The following ADAMTS9 variants were observed in gnomAD, a reference collection of about 807,000 sequenced individuals.
ADAMTS9 encodes ADAM metallopeptidase with thrombospondin type 1 motif 9.
Under a neutral mutation model 257.1 loss-of-function variants are expected in ADAMTS9, and 107 were observed. That is an observed-to-expected ratio of 0.42 (90% CI 0.36 to 0.49). The LOEUF (loss-of-function observed/expected upper bound fraction) is 0.49. ADAMTS9 is among the 20% of genes least tolerant of loss of function. The pLI is 0.03. For synonymous variants in ADAMTS9, 982 were observed against 880.9 expected (o/e 1.11, Z -2.03); for missense variants, 2,353 against 2,469.1 (o/e 0.95, Z 1.00).
At chr3:64,571,935 A>G (rs1232705879) in intron 28 of ADAMTS9, among the ~76,000 whole-genome samples, 1 of 152,194 alleles carries the variant, frequency 6.6e-6, no homozygotes, top group African/African-American at 2.4e-5. Flanking sequence ...TTACATCACC[A>G]TGTGTCACTG....
At chr3:64,637,623 C>T (rs923625246) in intron 12 of ADAMTS9, among the ~76,000 whole-genome samples, 3 of 152,240 alleles carry the variant, frequency 2.0e-5, no homozygotes, top group African/African-American at 7.2e-5. Flanking sequence ...CAGAAATCAA[C>T]TTCTACGTTT....
At chr3:64,540,295 T>C (rs575909881) in intron 36 of ADAMTS9, among the ~76,000 whole-genome samples, 2 of 152,338 alleles carry the variant, frequency 1.3e-5, no homozygotes, top group South Asian at 2.1e-4. Context: ...TGCAATATTA[T>C]GGGTATAATG....
At chr3:64,522,316 G>A in intron 38 of ADAMTS9, 56 bp from the exon 39 acceptor site, 2 of 1,526,106 alleles carry the variant, frequency 1.3e-6, no homozygotes, top group South Asian at 2.2e-5. Context: ...TTCAGGGCCT[G>A]CACTGGCTTT....
intron 28 of ADAMTS9, among the ~76,000 whole-genome samples, chr3:64,575,492 G>GT (rs1299849658): frequency 1.3e-5 from 2 of 152,172 alleles, no homozygotes; most frequent in Non-Finnish European, 2.9e-5. Flanking sequence ...AAGCAAGAGT[G>GT]TAACAACCTC....
Position 64,687,738 on chromosome 3 carries a change from G to C in ADAMTS9, c.-81C>G. 1 of 1,154,718 alleles carries C rather than the reference G, an allele frequency of 8.7e-7. No homozygotes were observed. Among genetic ancestry groups the C allele is most frequent in the Non-Finnish European group, 1.2e-6 (1 of 857,660 alleles). 71.5% of individuals were successfully genotyped at this position (1,154,718 alleles called of 1,614,324 possible). ...GGCTGCGGCGGCGACGCGAGGCAGCGGCCGTGGAGAGCGCGCGGAGCCCGG... is the reference window on the plus strand; with the variant it reads ...GGCTGCGGCGGCGACGCGAGGCAGCCGCCGTGGAGAGCGCGCGGAGCCCGG... On this transcript the variant is annotated 5_prime_UTR_variant, in exon 1 of 40. Transcript: ENST00000498707. The surrounding 1 kb of genome is among the most constrained non-coding windows in gnomAD (Gnocchi z 4.4).
intron 30 of ADAMTS9, among the ~76,000 whole-genome samples, chr3:64,554,324 A>G (rs2083304742): frequency 6.6e-6 from 1 of 152,244 alleles, no homozygotes; most frequent in African/African-American, 2.4e-5. Flanking sequence ...TAAAAATTAA[A>G]CTAAGTAAAT....
intron 22 of ADAMTS9, among the ~76,000 whole-genome samples, chr3:64,608,958 G>A (rs2084615948): frequency 6.6e-6 from 1 of 151,902 alleles, no homozygotes; most frequent in Non-Finnish European, 1.5e-5. Flanking sequence ...AGGAACATAA[G>A]GCTGGCCCAA....
intron 12 of ADAMTS9, among the ~76,000 whole-genome samples, chr3:64,639,302 T>TTTTTG (rs1700578709): frequency 6.9e-5 from 10 of 144,518 alleles, no homozygotes; most frequent in Non-Finnish European, 1.4e-4. Flanking sequence ...TGTTTTTTTT[T>TTTTTG]TTTTTTTTTT....
intron 8 of ADAMTS9, among the ~76,000 whole-genome samples, chr3:64,653,512 G>A (rs960037058): frequency 2.6e-5 from 4 of 152,056 alleles, no homozygotes; most frequent in African/African-American, 9.7e-5. Context: ...TCTGTGCCTC[G>A]TACACTACAC....
chr3:64,583,407 A>C (rs7614362), intron 28 of ADAMTS9: 51,923 of 152,168 alleles, frequency 0.34, 10,791 homozygotes, highest in Non-Finnish European at 0.46. Flanking sequence ...CTCTCCAGAG[A>C]GAAGAGCTTT....
Position 64,518,763 on chromosome 3 carries a change from C to CTTTTTTT in ADAMTS9, c.*6-1643_*6-1642insAAAAAAA, listed in dbSNP as rs1491154708. Among the ~76,000 whole-genome samples, 13 of 88,730 alleles carry CTTTTTTT rather than the reference C, an allele frequency of 1.5e-4. 2 individuals carry two copies. The highest frequency in any genetic ancestry group is 9.6e-4 in the Admixed American group (7 of 7,272). 58.2% of individuals were successfully genotyped at this position (88,730 alleles called of 152,430 possible). ...CCGAGGGAATTTATCATTACCTTTTCATTTTTTTTTTTTTTTTTTTTTTTT... is the reference window on the plus strand; with the variant it reads ...CCGAGGGAATTTATCATTACCTTTTCTTTTTTTATTTTTTTTTTTTTTTTTTTTTTTT... On this transcript the variant is annotated intron_variant, in intron 39 of 39. Coordinates refer to ENST00000498707, the MANE Select transcript of ADAMTS9 (RefSeq NM_182920.2).
At chr3:64,535,329 A>T (rs535396239) in intron 37 of ADAMTS9, among the ~76,000 whole-genome samples, 1 of 152,176 alleles carries the variant, frequency 6.6e-6, no homozygotes, top group African/African-American at 2.4e-5. Context: ...CAGTGAGCCC[A>T]GATTGTGCCA....
At chr3:64,604,143 GGA>G (rs2084515751) in intron 24 of ADAMTS9, 54 bp from the exon 25 acceptor site, 2 of 1,602,964 alleles carry the variant, frequency 1.2e-6, no homozygotes, top group East Asian at 4.5e-5. Flanking sequence ...GCTGCTTACT[GGA>G]CAGTAGCCCA....
intron 23 of ADAMTS9, among the ~76,000 whole-genome samples, chr3:64,605,287 T>G (rs1241542071): frequency 6.6e-6 from 1 of 152,186 alleles, no homozygotes; most frequent in Non-Finnish European, 1.5e-5. Flanking sequence ...ATTTTGAATC[T>G]GAAAGGGAGC....
chr3:64,660,531 T>A (rs1170186476), intron 3 of ADAMTS9, among the ~76,000 whole-genome samples: 1 of 152,186 alleles, frequency 6.6e-6, no homozygotes, highest in Non-Finnish European at 1.5e-5. Context: ...CATACCATTC[T>A]GAGCAGTGTG....
chr3:64,552,691 G>A (rs2083285200), intron 30 of ADAMTS9, among the ~76,000 whole-genome samples: 2 of 151,712 alleles, frequency 1.3e-5, no homozygotes, highest in Admixed American at 1.3e-4. Flanking sequence ...CCAAGTAGCT[G>A]GGACTACAGG....
chr3:64,655,832 T>C lies in ADAMTS9; in HGVS notation c.1013A>G (p.Asn338Ser). 1.9e-6 allele frequency: 3 copies of C among 1,572,182 alleles called. No individual in the cohort carries two copies. Among genetic ancestry groups the C allele is most frequent in the Non-Finnish European group, 2.6e-6 (3 of 1,165,366 alleles). Residue 338 changes from asparagine to serine, a missense_variant, in exon 5 of 40, where the codon AAT (asparagine) becomes AGT (serine). By Grantham distance (46) the Asn-to-Ser change is conservative. This residue lies in a region of ADAMTS9 where 591 missense variants were observed against 569.6 expected (regional missense o/e 1.04). Coordinates refer to ENST00000498707, the MANE Select transcript of ADAMTS9 (RefSeq NM_182920.2). ...CACAATTAAGTTCACAATAACAATA[T>C]TAATTAAATTTCCAATACTTGGGTC... is the stretch of plus-strand genomic sequence containing the variant. ...YKDPSIGNLI[N>S]IVIVNLIVIH... is the part of the protein sequence containing the mutation.
chr3:64,578,389 T>C (rs2083910803), intron 28 of ADAMTS9, among the ~76,000 whole-genome samples: 1 of 152,152 alleles, frequency 6.6e-6, no homozygotes, highest in Admixed American at 6.5e-5. Flanking sequence ...AGACTTGGCA[T>C]TGAAAAAGGC....
At chr3:64,601,858 T>C (rs1307039743) in intron 26 of ADAMTS9, 86 bp downstream of exon 26, 1 of 1,461,102 alleles carries the variant, frequency 6.8e-7, no homozygotes, top group Admixed American at 2.3e-5. Context: ...AAGAAAAAAA[T>C]ATGCTCTAAA....
Sources: gnomAD v4.1 joint callset for allele counts (sites outside exome capture counted in the v4.1 genomes callset) on GRCh38, gnomAD v4.1.1 for gene constraint, gnomAD v4.1.1 regional missense constraint, Gnocchi (gnomAD v3.1) non-coding constraint, MANE v1.5 for transcripts, NCBI Gene and HGNC (gene_info 2026-07-23, HGNC 2026-07-21) for gene names.